NUMBL: variants seen among roughly 807,000 people sequenced by gnomAD.
The protein encoded by NUMBL is numb-like protein.
In NUMBL, 20 loss-of-function variants were observed where a neutral mutation model predicts 48.9. The observed-to-expected ratio is 0.41, with a 90% confidence interval of 0.29 to 0.59. The LOEUF (loss-of-function observed/expected upper bound fraction) is 0.59, where lower values mean the gene tolerates loss of function less well. Ranked by LOEUF, NUMBL falls within the 20% of genes least tolerant of loss-of-function variation. The probability of loss-of-function intolerance (pLI) is 0.31; values close to 1 mark genes in which losing one functional copy is unlikely to be tolerated. For missense variants in NUMBL, 660 were observed against 846.2 expected, an observed-to-expected ratio of 0.78 and a Z score of 2.73; for synonymous variants, 340 against 348.7, an observed-to-expected ratio of 0.98 and a Z score of 0.28.
Position 40,667,386 on chromosome 19 carries a change from G to C in NUMBL, c.*82C>G. The C allele has an allele frequency of 5.2e-6, 8 of 1,542,496 alleles. No individual in the cohort carries two copies. Among genetic ancestry groups the C allele is most frequent in the Non-Finnish European group, 6.1e-6 (7 of 1,146,638 alleles). ...GGGTGTTGAGGGGCGCAGCCCCAGG[G>C]AGCAGGGTTAGGGGAGAGGTTGTGC... On this transcript the variant is annotated 3_prime_UTR_variant, in exon 10 of 10. Transcript: ENST00000252891. The surrounding 1 kb of genome is among the most constrained non-coding windows in gnomAD (Gnocchi z 6.1).
At chr19:40,684,629 G>C in intron 2 of NUMBL, 73 bp from the exon 3 acceptor site, 1 of 1,514,462 alleles carries the variant, frequency 6.6e-7, no homozygotes, top group East Asian at 2.4e-5. Context: ...GGAGGGACCA[G>C]TGCTCAGGGA....
intron 2 of NUMBL, 103 bp from the exon 3 acceptor site, chr19:40,684,659 GAT>G: frequency 7.0e-7 from 1 of 1,435,958 alleles, no homozygotes; most frequent in Admixed American, 2.5e-5. Context: ...CAGATAACAA[GAT>G]AACTGGAAGC....
At chr19:40,680,129 G>GT (rs34820478) in intron 6 of NUMBL, among the ~76,000 whole-genome samples, 16,594 of 146,102 alleles carry the variant, frequency 0.11, 1,033 homozygotes, top group East Asian at 0.18. Flanking sequence ...TCCCCAAATA[G>GT]TTTTTTTTTT....
Position 40,666,515 on chromosome 19 carries a change from C to T in NUMBL, c.*953G>A, listed in dbSNP as rs1427648635. The T allele has an allele frequency of 2.0e-5, 3 of 152,386 alleles. No homozygotes were observed. The highest frequency in any genetic ancestry group is 7.2e-5 in the African/African-American group (3 of 41,416). 9.4% of individuals were successfully genotyped at this position (152,386 alleles called of 1,614,324 possible). A position where few individuals can be genotyped will look rare whatever the true frequency, so the allele number is the denominator to read the frequency against. On this transcript the variant is annotated 3_prime_UTR_variant, in exon 10 of 10. Coordinates refer to ENST00000252891, the MANE Select transcript of NUMBL (RefSeq NM_004756.5). ...ATAGAAATGGGGTGATTAATTTTGG[C>T]TCCTTTAATACCCGCCTGGCAGGTG...
At chr19:40,670,130 C>T in intron 8 of NUMBL, 110 bp from the exon 9 acceptor site, 3 of 1,366,718 alleles carry the variant, frequency 2.2e-6, no homozygotes, top group Admixed American at 2.6e-5. Context: ...GATCCTTTCC[C>T]ACTGTAGTAA....
Position 40,667,247 on chromosome 19 carries a change from G to T in NUMBL, c.*221C>A. 1 of 624,026 alleles carries T rather than the reference G, an allele frequency of 1.6e-6. No individual in the cohort carries two copies. Among genetic ancestry groups the T allele is most frequent in the Non-Finnish European group, 2.7e-6 (1 of 371,240 alleles). 38.7% of individuals were successfully genotyped at this position (624,026 alleles called of 1,614,324 possible). ...GCCAGCCTAAGTCCGGCAGTGAAAT[G>T]GTTCCCTTAGCCAGGCTGGGTCCGT... is the stretch of plus-strand genomic sequence containing the variant. On this transcript the variant is annotated 3_prime_UTR_variant, in exon 10 of 10. Coordinates refer to ENST00000252891, the MANE Select transcript of NUMBL (RefSeq NM_004756.5). This position sits in a 1 kb window ranked among gnomAD's most constrained non-coding sequence, Gnocchi z 6.1.
intron 7 of NUMBL, among the ~76,000 whole-genome samples, chr19:40,675,943 G>T (rs1380872987): frequency 6.6e-6 from 1 of 151,500 alleles, no homozygotes; most frequent in African/African-American, 2.4e-5. Context: ...GCAGCTCTCT[G>T]CAGCCTCTAC....
At chr19:40,670,632 A>G (rs952762416) in intron 8 of NUMBL, among the ~76,000 whole-genome samples, 3 of 152,274 alleles carry the variant, frequency 2.0e-5, no homozygotes, top group African/African-American at 7.2e-5. Flanking sequence ...GTGATGTTTT[A>G]GCCAATGGCT....
chr19:40,680,842 C>T (rs1226134666), intron 6 of NUMBL, 75 bp downstream of exon 6: 1 of 1,528,378 alleles, frequency 6.5e-7, no homozygotes, highest in Non-Finnish European at 9.0e-7. Context: ...TGCCTGAATG[C>T]AGGAAGCTTG....
chr19:40,690,510 G>T lies in NUMBL; in HGVS notation c.-27C>A, dbSNP rs2081960202. On this transcript the variant is annotated 5_prime_UTR_variant, in exon 1 of 10. Coordinates refer to ENST00000252891, the MANE Select transcript of NUMBL (RefSeq NM_004756.5). ...CAGGGCCCGGGCGCCCCCGCCTCCC[G>T]CGGCCCTGGCTGGGCCTGGCTCCCC... 5.6e-6 allele frequency: 7 copies of T among 1,256,206 alleles called. No individual in the cohort carries two copies. Among genetic ancestry groups the T allele is most frequent in the Non-Finnish European group, 7.0e-6 (7 of 999,994 alleles). The allele number at this position is 1,256,206 out of a possible 1,614,324, so 77.8% of individuals were successfully genotyped here.
chr19:40,687,395 G>A lies in NUMBL; in HGVS notation c.25-400C>T, dbSNP rs118092381. 2.9e-4 allele frequency among the ~76,000 whole-genome samples: 44 copies of A among 152,230 alleles called. No individual in the cohort carries two copies. Among genetic ancestry groups the A allele is most frequent in the Non-Finnish European group, 5.7e-4 (39 of 68,010 alleles). The stretch of plus-strand genomic sequence containing the variant: ...CAATCACAGCTACACACCTCAGATC[G>A]CAGATACACAGAAACAGTCCCAAAC... On this transcript the variant is annotated intron_variant, in intron 1 of 9. Transcript: ENST00000252891. The surrounding 1 kb of genome is among the most constrained non-coding windows in gnomAD (Gnocchi z 4.6).
Position 40,666,047 on chromosome 19 carries a change from T to A in NUMBL, c.*1421A>T, listed in dbSNP as rs1453116566. The A allele has an allele frequency of 2.0e-5, 3 of 152,034 alleles. No individual in the cohort carries two copies. Among genetic ancestry groups the A allele is most frequent in the Non-Finnish European group, 4.4e-5 (3 of 68,036 alleles). The allele number at this position is 152,034 out of a possible 1,614,324, so 9.4% of individuals were successfully genotyped here. A position where few individuals can be genotyped will look rare whatever the true frequency, so the allele number is the denominator to read the frequency against. On this transcript the variant is annotated 3_prime_UTR_variant, in exon 10 of 10. Transcript: ENST00000252891. ...ACACTTTGGCCAGAGTTATGGAAAATGCTGACAAAACAAGAATTTGCCAGC... is the reference window on the plus strand; with the variant it reads ...ACACTTTGGCCAGAGTTATGGAAAAAGCTGACAAAACAAGAATTTGCCAGC...
chr19:40,686,926 A>C lies in NUMBL; in HGVS notation c.94T>G (p.Cys32Gly). The change falls in exon 2 of 10, where the codon TGC becomes GGC. Residue 32 changes from cysteine to glycine, a missense_variant. This residue lies in a region of NUMBL where 86 missense variants were observed against 85.9 expected (regional missense o/e 1.00). Coordinates refer to ENST00000252891, the MANE Select transcript of NUMBL (RefSeq NM_004756.5). ...PCGAPGPPET[C>G]RTEPDGAGTM... Reference sequence around the variant, plus strand: ...GGTCGCTCACCTGGCTCCGTCCTGCAGGTTTCTGGGGGCCCCGGGGCCCCA... The same window carrying C: ...GGTCGCTCACCTGGCTCCGTCCTGCCGGTTTCTGGGGGCCCCGGGGCCCCA... 1 of 1,543,434 alleles carries C rather than the reference A, an allele frequency of 6.5e-7. No homozygotes were observed. Among genetic ancestry groups the C allele is most frequent in the Non-Finnish European group, 8.8e-7 (1 of 1,140,498 alleles).
At position 40,679,864 on chromosome 19, in the gene NUMBL, C is replaced by T. The variant is rs567024292; in HGVS notation, c.540+1053G>A. Among the ~76,000 whole-genome samples the T allele has an allele frequency of 9.2e-5, 14 of 151,878 alleles. 1 individual carries two copies. The East Asian group carries it at 2.5e-3, about 27-fold the overall frequency. ...TGAATGGAGATGGGGTCTCCTTTAG[C>T]GGTGATGAAAATGTTTCAGGACTGC... is the stretch of plus-strand genomic sequence containing the variant. On this transcript the variant is annotated intron_variant, in intron 6 of 9. Transcript: ENST00000252891.
rs2081860667 is a variant in NUMBL, at chr19:40,673,753, A to G, written c.731-104T>C. On this transcript the variant is annotated intron_variant, in intron 7 of 9. Transcript: ENST00000252891. The surrounding 1 kb of genome is among the most constrained non-coding windows in gnomAD (Gnocchi z 5.9). ...TTCTCCAAGGCTGCCTTCCTTGCCC[A>G]GTGAGTCCTGCCCTTAAGACAAGCT... The G allele has an allele frequency of 9.0e-7, 1 of 1,114,330 alleles. No homozygotes were observed. Among genetic ancestry groups the G allele is most frequent in the African/African-American group, 1.6e-5 (1 of 63,498 alleles). The allele number at this position is 1,114,330 out of a possible 1,614,324, so 69.0% of individuals were successfully genotyped here.
rs964979664 is a variant in NUMBL, at chr19:40,666,327, A to G, written c.*1141T>C. Reference sequence around the variant, plus strand: ...GCTAATTTTTGAATTTTTGGTAGAGACTGGGTTTCTCCATGGCGGCCAGGC... The same window carrying G: ...GCTAATTTTTGAATTTTTGGTAGAGGCTGGGTTTCTCCATGGCGGCCAGGC... On this transcript the variant is annotated 3_prime_UTR_variant, in exon 10 of 10. Coordinates refer to ENST00000252891, the MANE Select transcript of NUMBL (RefSeq NM_004756.5). 1.1e-4 allele frequency: 17 copies of G among 151,912 alleles called. No individual in the cohort carries two copies. The highest frequency in any genetic ancestry group is 3.6e-4 in the African/African-American group (15 of 41,330). The allele number at this position is 151,912 out of a possible 1,614,324, so 9.4% of individuals were successfully genotyped here.
intron 9 of NUMBL, 41 bp from the exon 10 acceptor site, chr19:40,668,179 C>T: frequency 6.5e-7 from 1 of 1,535,878 alleles, no homozygotes; most frequent in Non-Finnish European, 8.8e-7. Flanking sequence ...GGGGCAACGG[C>T]TTCAGCAGAA....
Position 40,673,256 on chromosome 19 carries a change from A to G in NUMBL, c.1036+88T>C. The G allele has an allele frequency of 7.6e-7, 1 of 1,320,752 alleles. No individual in the cohort carries two copies. Among genetic ancestry groups the G allele is most frequent in the Non-Finnish European group, 1.0e-6 (1 of 976,432 alleles). The allele number at this position is 1,320,752 out of a possible 1,614,324, so 81.8% of individuals were successfully genotyped here. A position where few individuals can be genotyped will look rare whatever the true frequency, so the allele number is the denominator to read the frequency against. On this transcript the variant is annotated intron_variant, in intron 8 of 9. Transcript: ENST00000252891. This position sits in a 1 kb window ranked among gnomAD's most constrained non-coding sequence, Gnocchi z 5.9. ...ATGGCAGACAGTGCAAATCAATCAC[A>G]GTGTGAACCATCTCGCCTCCATCCC...
intron 5 of NUMBL, among the ~76,000 whole-genome samples, chr19:40,681,402 G>C (rs565778367): frequency 6.6e-6 from 1 of 152,174 alleles, no homozygotes; most frequent in Admixed American, 6.5e-5. Flanking sequence ...TACTAACTAA[G>C]AAAAAAAGTC....
Sources: gnomAD v4.1 joint callset for allele counts (sites outside exome capture counted in the v4.1 genomes callset) on GRCh38, gnomAD v4.1.1 for gene constraint, gnomAD v4.1.1 regional missense constraint, Gnocchi (gnomAD v3.1) non-coding constraint, MANE v1.5 for transcripts, NCBI Gene and HGNC (gene_info 2026-07-23, HGNC 2026-07-21) for gene names.